The following FILIP1L variants were observed in gnomAD, a reference collection of about 807,000 sequenced individuals.
FILIP1L encodes filamin A-interacting protein 1-like.
In FILIP1L, 55 loss-of-function variants were observed where a neutral mutation model predicts 96.6. The observed-to-expected ratio is 0.57, with a 90% CI of 0.46 to 0.71. FILIP1L has a LOEUF of 0.71. Ranked by LOEUF, FILIP1L falls within the 30% of genes least tolerant of loss-of-function variation. FILIP1L has a pLI of 0.00. For synonymous variants in FILIP1L, 467 were observed against 473.9 expected (o/e 0.99, Z 0.19); for missense variants, 1,304 against 1,321.2 (o/e 0.99, Z 0.20).
At chr3:100,040,408 C>G (rs1490838341) in intron 1 of FILIP1L, 1 of 152,148 alleles carries the variant, frequency 6.6e-6, no homozygotes, top group Non-Finnish European at 1.5e-5. Context: ...TAATAGCATT[C>G]CATTTTAATA....
intron 1 of FILIP1L, among the ~76,000 whole-genome samples, chr3:100,112,459 G>C (rs1249596724): frequency 1.3e-5 from 2 of 152,126 alleles, no homozygotes. Context: ...TTCATTTCCA[G>C]TGCCAGCGCC....
At chr3:99,831,296 G>T (rs1170360436) in intron 5 of FILIP1L, among the ~76,000 whole-genome samples, 1 of 152,210 alleles carries the variant, frequency 6.6e-6, no homozygotes, top group Non-Finnish European at 1.5e-5. Context: ...CTGTGTACAT[G>T]CTTTAATTAT....
At chr3:99,938,206 G>A (rs1002712066) in intron 1 of FILIP1L, among the ~76,000 whole-genome samples, 2 of 152,172 alleles carry the variant, frequency 1.3e-5, no homozygotes, top group Non-Finnish European at 2.9e-5. Context: ...ACCCTGATCT[G>A]CTATCCCTCA....
At chr3:100,087,020 G>A (rs894080273) in intron 1 of FILIP1L, among the ~76,000 whole-genome samples, 4 of 152,184 alleles carry the variant, frequency 2.6e-5, no homozygotes, top group Non-Finnish European at 4.4e-5. Context: ...AAATTGTCAT[G>A]TGTACCAACA....
At chr3:99,851,190 C>T (rs903036355) in intron 4 of FILIP1L, 120 bp from the exon 5 acceptor site, 4 of 782,556 alleles carry the variant, frequency 5.1e-6, no homozygotes, top group Non-Finnish European at 1.9e-6. Context: ...AGTTCATATA[C>T]AATATGCAAA....
At chr3:100,099,736 A>T (rs1269809467) in intron 1 of FILIP1L, among the ~76,000 whole-genome samples, 1 of 152,220 alleles carries the variant, frequency 6.6e-6, no homozygotes, top group Non-Finnish European at 1.5e-5. Flanking sequence ...TAGGGATAAG[A>T]TTAAAACCTC....
chr3:99,843,376 T>TC (rs1318381725), intron 5 of FILIP1L, among the ~76,000 whole-genome samples: 1 of 152,292 alleles, frequency 6.6e-6, no homozygotes, highest in African/African-American at 2.4e-5. Flanking sequence ...TATTGAGCTT[T>TC]CCTTTTAAAT....
chr3:100,106,176 T>C (rs762529967), intron 1 of FILIP1L, among the ~76,000 whole-genome samples: 4 of 151,712 alleles, frequency 2.6e-5, no homozygotes, highest in African/African-American at 4.8e-5. Context: ...TCAGAAGAGG[T>C]TGACTTATCA....
chr3:99,832,857 A>AT (rs1942736323), intron 5 of FILIP1L, among the ~76,000 whole-genome samples: 1 of 139,334 alleles, frequency 7.2e-6, no homozygotes, highest in Non-Finnish European at 1.5e-5. Context: ...AAAAAAAAAA[A>AT]GTTGTTTTTT....
intron 1 of FILIP1L, chr3:100,039,699 T>TG (rs1162040039): frequency 3.3e-5 from 5 of 152,068 alleles, no homozygotes; most frequent in African/African-American, 1.2e-4. Flanking sequence ...AAATTAGATA[T>TG]TAAATGGCAT....
chr3:99,988,630 A>G (rs911806733), intron 1 of FILIP1L, among the ~76,000 whole-genome samples: 2 of 152,148 alleles, frequency 1.3e-5, no homozygotes, highest in Admixed American at 6.5e-5. Flanking sequence ...TCCAAAGTCC[A>G]GTTGTATTTT....
rs377205144 is a variant in FILIP1L at position 99,930,874 on chromosome 3, C to A, written c.147G>T (p.Pro49=). The change falls in exon 2 of 6, where the codon CCG becomes CCT. Residue 49 remains proline (P), a synonymous_variant. Transcript: ENST00000477258. ...DSPSESDVIL[P]CPKAEKPHSG... is the part of the protein sequence containing the mutation. ...TGTGTGGCTTCTCTGCCTTGGGACACGGAAGTATTACATCCGACTCACTGG... is the reference window on the plus strand; with the variant it reads ...TGTGTGGCTTCTCTGCCTTGGGACAAGGAAGTATTACATCCGACTCACTGG... 2 of 1,613,004 alleles carry A rather than the reference C, an allele frequency of 1.2e-6. No individual in the cohort carries two copies. The highest frequency in any genetic ancestry group is 1.7e-6 in the Non-Finnish European group (2 of 1,179,790).
intron 1 of FILIP1L, among the ~76,000 whole-genome samples, chr3:99,992,350 A>G (rs1190879096): frequency 1.3e-5 from 2 of 152,094 alleles, no homozygotes; most frequent in African/African-American, 2.4e-5. Flanking sequence ...TTGACTCTTT[A>G]ATAATAGCCA....
chr3:99,837,352 TC>T (rs1942942658), intron 5 of FILIP1L, among the ~76,000 whole-genome samples: 1 of 151,642 alleles, frequency 6.6e-6, no homozygotes, highest in Admixed American at 6.6e-5. Context: ...AAGTGACTGA[TC>T]TCAGGCACAG....
intron 1 of FILIP1L, among the ~76,000 whole-genome samples, chr3:100,024,732 A>G (rs544045685): frequency 1.3e-5 from 2 of 152,312 alleles, no homozygotes; most frequent in East Asian, 3.9e-4. Flanking sequence ...TGGTTGAAAC[A>G]CAGGGATAGA....
intron 1 of FILIP1L, among the ~76,000 whole-genome samples, chr3:100,087,919 C>G (rs1257586957): frequency 2.0e-5 from 3 of 151,154 alleles, no homozygotes; most frequent in Admixed American, 6.6e-5. Context: ...CAACCTCCAC[C>G]TCCAGGGTTC....
chr3:100,106,656 A>C (rs1000708161), intron 1 of FILIP1L, among the ~76,000 whole-genome samples: 2 of 152,182 alleles, frequency 1.3e-5, no homozygotes, highest in East Asian at 1.9e-4. Context: ...AAGCATATGC[A>C]TGCTCACCTG....
At chr3:99,964,858 T>C (rs1708600098) in intron 1 of FILIP1L, among the ~76,000 whole-genome samples, 1 of 152,154 alleles carries the variant, frequency 6.6e-6, no homozygotes, top group Non-Finnish European at 1.5e-5. Context: ...GGAAAAACTC[T>C]TTCCTAAGTT....
At chr3:100,072,123 A>G (rs1016358020) in intron 1 of FILIP1L, among the ~76,000 whole-genome samples, 2 of 152,198 alleles carry the variant, frequency 1.3e-5, no homozygotes, top group African/African-American at 4.8e-5. Context: ...TGAGCGTTAC[A>G]TGGACCATAT....
Sources: allele counts gnomAD v4.1 joint callset (sites outside exome capture counted in the v4.1 genomes callset), GRCh38; gene constraint gnomAD v4.1.1; transcripts MANE v1.5; gene names NCBI Gene and HGNC (gene_info 2026-07-23, HGNC 2026-07-21).